Variants in PNPLA3 observed in about 807,000 individuals in gnomAD.
PNPLA3 encodes the protein patatin like domain 3, 1-acylglycerol-3-phosphate O-acyltransferase.
Under a neutral mutation model 43.1 loss-of-function variants are expected in PNPLA3, and 42 were observed. The observed-to-expected ratio is 0.97, with a 90% CI of 0.76 to 1.26. The LOEUF (loss-of-function observed/expected upper bound fraction) is 1.26, where lower values mean the gene tolerates loss of function less well. PNPLA3 is among the 50% of genes most tolerant of loss of function. The pLI, the probability that PNPLA3 is intolerant of heterozygous loss-of-function variation, is 0.00. For missense variants in PNPLA3, 647 were observed against 621.4 expected, an observed-to-expected ratio of 1.04 and a Z score of -0.44; for synonymous variants, 272 against 253.6, an observed-to-expected ratio of 1.07 and a Z score of -0.69.
intron 6 of PNPLA3, 91 bp from the exon 7 acceptor site, chr22:43,939,902 G>C: frequency 1.3e-6 from 2 of 1,583,808 alleles, no homozygotes; most frequent in South Asian, 2.2e-5. Flanking sequence ...CAGGACGGGC[G>C]TATTTTATGG....
chr22:43,926,066 A>C (rs2146773354), intron 1 of PNPLA3, among the ~76,000 whole-genome samples: 1 of 152,318 alleles, frequency 6.6e-6, no homozygotes, highest in East Asian at 1.9e-4. Flanking sequence ...CCTGTCTCAC[A>C]GAGGGCTGTG....
At position 43,924,725 on chromosome 22, in the gene PNPLA3, G is replaced by A. The variant is rs1297091337; in HGVS notation, c.187+627G>A. Among the ~76,000 whole-genome samples the A allele has an allele frequency of 1.6e-4, 24 of 151,280 alleles. No homozygotes were observed. In the East Asian group the frequency reaches 4.7e-3, roughly 30 times the overall value. On this transcript the variant is annotated intron_variant, in intron 1 of 8. Coordinates refer to ENST00000216180, the MANE Select transcript of PNPLA3 (RefSeq NM_025225.3). ...TGCAGTGGCGTGATCTCAACTCACT[G>A]CAAGCTCCACCTCCCAGGTTCACGC...
intron 3 of PNPLA3, among the ~76,000 whole-genome samples, chr22:43,932,286 A>ACAT (rs1229166011): frequency 2.6e-5 from 4 of 152,192 alleles, no homozygotes. Context: ...GGGTTAGAGG[A>ACAT]CATTTTCTGA....
chr22:43,940,524 T>C (rs2050024483), intron 7 of PNPLA3, among the ~76,000 whole-genome samples: 1 of 152,202 alleles, frequency 6.6e-6, no homozygotes, highest in East Asian at 1.9e-4. Context: ...TAAAATCACA[T>C]GAAGGCCGGC....
chr22:43,932,152 C>G (rs2049965571), intron 3 of PNPLA3, among the ~76,000 whole-genome samples: 1 of 152,132 alleles, frequency 6.6e-6, no homozygotes. Flanking sequence ...CAGATGCAGG[C>G]TCTGTCCAAA....
At position 43,926,951 on chromosome 22, in the gene PNPLA3, C is replaced by T. The variant is rs2049926791; in HGVS notation, c.204C>T (p.Val68=). Residue 68 remains valine, a synonymous_variant, in exon 2 of 9, where the codon GTC becomes GTT. Transcript: ENST00000216180. ...SGIPLEQTLQ[V]LSDLVRKARS... ...TGTCCCCAGAGCAGACTCTGCAGGT[C>T]CTCTCAGATCTTGTGCGGAAGGCCA... 3.1e-6 allele frequency: 5 copies of T among 1,614,046 alleles called. No homozygotes were observed. The highest frequency in any genetic ancestry group is 4.2e-6 in the Non-Finnish European group (5 of 1,180,010).
Position 43,934,624 on chromosome 22 carries a change from C to T in PNPLA3, c.715C>T (p.Leu239Phe). The T allele has an allele frequency of 6.2e-7, 1 of 1,613,934 alleles. No homozygotes were observed. The highest frequency in any genetic ancestry group is 8.5e-7 in the Non-Finnish European group (1 of 1,179,840). ...CTCACAGGTGCTGGGAGAGATATGCCTTCGAGGATATTTGGATGCATTCAG... is the reference window on the plus strand; with the variant it reads ...CTCACAGGTGCTGGGAGAGATATGCTTTCGAGGATATTTGGATGCATTCAG... ...PDLKVLGEIC[L>F]RGYLDAFRFL... The change falls in exon 5 of 9, where the codon CTT (leucine) becomes TTT (phenylalanine). Residue 239 changes from leucine to phenylalanine, a missense_variant. Leu to Phe is a conservative substitution (Grantham distance 22). Transcript: ENST00000216180.
intron 1 of PNPLA3, among the ~76,000 whole-genome samples, chr22:43,925,293 TGGGGGTGCAGAC>T (rs1056951477): frequency 3.3e-5 from 5 of 151,998 alleles, no homozygotes; most frequent in Admixed American, 3.3e-4. Context: ...GTGTGTGTGG[TGGGGGTGCAGAC>T]GGAGGGTTTG....
chr22:43,923,847 G>A lies in PNPLA3; in HGVS notation c.-65G>A. On this transcript the variant is annotated 5_prime_UTR_variant, in exon 1 of 9. Coordinates refer to ENST00000216180, the MANE Select transcript of PNPLA3 (RefSeq NM_025225.3). ...GCCGGGCGGAGCTGCTGCGGATCAG[G>A]ACCCGAGCCGATTCCCGATCCCGAC... 2 of 1,410,634 alleles carry A rather than the reference G, an allele frequency of 1.4e-6. No individual in the cohort carries two copies. The highest frequency in any genetic ancestry group is 1.8e-6 in the Non-Finnish European group (2 of 1,081,180). 87.4% of individuals were successfully genotyped at this position (1,410,634 alleles called of 1,614,324 possible). A position where few individuals can be genotyped will look rare whatever the true frequency, so the allele number is the denominator to read the frequency against.
intron 6 of PNPLA3, among the ~76,000 whole-genome samples, 173 bp from the exon 7 acceptor site, chr22:43,939,819 GA>G (rs2050019586): frequency 1.3e-5 from 2 of 151,966 alleles, no homozygotes; most frequent in East Asian, 1.9e-4. Flanking sequence ...ACTCTGTCTG[GA>G]AAAAAAAGAA....
chr22:43,938,368 C>G (rs1457824979), intron 6 of PNPLA3, among the ~76,000 whole-genome samples: 1 of 152,186 alleles, frequency 6.6e-6, no homozygotes, highest in African/African-American at 2.4e-5. Context: ...AAAGAAATAC[C>G]TGAGACTGGG....
chr22:43,924,627 G>C (rs1345861757), intron 1 of PNPLA3, among the ~76,000 whole-genome samples: 1 of 152,014 alleles, frequency 6.6e-6, no homozygotes, highest in Non-Finnish European at 1.5e-5. Context: ...GACACCCCGC[G>C]CCTGCGCTTT....
At position 43,923,847 on chromosome 22, in the gene PNPLA3, G is replaced by T; in HGVS notation, c.-65G>T. On this transcript the variant is annotated 5_prime_UTR_variant, in exon 1 of 9. Coordinates refer to ENST00000216180, the MANE Select transcript of PNPLA3 (RefSeq NM_025225.3). ...GCCGGGCGGAGCTGCTGCGGATCAG[G>T]ACCCGAGCCGATTCCCGATCCCGAC... The T allele has an allele frequency of 7.1e-7, 1 of 1,410,634 alleles. No individual in the cohort carries two copies. Among genetic ancestry groups the T allele is most frequent in the Non-Finnish European group, 9.2e-7 (1 of 1,081,180 alleles). 87.4% of individuals were successfully genotyped at this position (1,410,634 alleles called of 1,614,324 possible).
In PNPLA3 at chr22:43,946,433, C is replaced by T. The variant is rs6006461; in HGVS notation, c.*51C>T. 5.7e-4 allele frequency: 879 copies of T among 1,549,060 alleles called. 2 individuals are homozygous for T. The African/African-American group carries it at 0.011, about 19-fold the overall frequency. ...GATTCTTTCAGAGGTGCTAAAGTTT[C>T]CCATCTTTGTGCAGCTACCTCCGCA... On this transcript the variant is annotated 3_prime_UTR_variant, in exon 9 of 9. Coordinates refer to ENST00000216180, the MANE Select transcript of PNPLA3 (RefSeq NM_025225.3).
chr22:43,929,743 C>T lies in PNPLA3; in HGVS notation c.486+854C>T, dbSNP rs567057790. Among the ~76,000 whole-genome samples, 51 of 151,600 alleles carry T rather than the reference C, an allele frequency of 3.4e-4. 1 individual carries two copies. The highest frequency in any genetic ancestry group is 1.1e-3 in the African/African-American group (46 of 41,398). On this transcript the variant is annotated intron_variant, in intron 3 of 8. Transcript: ENST00000216180. Reference sequence around the variant, plus strand: ...TCCCGAGTAGCTGGGATTACAGGTGCCTGCCGTCACGCCAAGCTAATTTTT... The same window carrying T: ...TCCCGAGTAGCTGGGATTACAGGTGTCTGCCGTCACGCCAAGCTAATTTTT...
At chr22:43,943,451 G>A (rs2050043884) in intron 7 of PNPLA3, among the ~76,000 whole-genome samples, 1 of 152,136 alleles carries the variant, frequency 6.6e-6, no homozygotes, top group African/African-American at 2.4e-5. Context: ...CCCTGGAGCT[G>A]GTTGAACTGT....
At position 43,934,669 on chromosome 22, in the gene PNPLA3, A is replaced by G. The variant is rs755983068; in HGVS notation, c.757+3A>G. The G allele has an allele frequency of 4.3e-6, 7 of 1,610,208 alleles. No homozygotes were observed. Among genetic ancestry groups the G allele is most frequent in the Admixed American group, 1.7e-5 (1 of 59,998 alleles). ...ATTCAGGTTCTTGGAAGAGAAGGGT[A>G]TGTATGGGCTGGGAGGATCAGCCAT... On this transcript the variant is annotated splice_donor_region_variant and intron_variant, in intron 5 of 8. Transcript: ENST00000216180.
intron 5 of PNPLA3, 141 bp downstream of exon 5, chr22:43,934,807 A>G: frequency 1.3e-6 from 1 of 775,904 alleles, no homozygotes; most frequent in South Asian, 1.7e-5. Context: ...TCATGAGCCC[A>G]GGAGATAGGA....
intron 7 of PNPLA3, among the ~76,000 whole-genome samples, chr22:43,940,508 T>G (rs1034112883): frequency 1.3e-5 from 2 of 152,210 alleles, no homozygotes; most frequent in African/African-American, 4.8e-5. Context: ...CTGAGCTGTT[T>G]CCATTTAAAA....
Sources: allele counts gnomAD v4.1 joint callset (sites outside exome capture counted in the v4.1 genomes callset), GRCh38; gene constraint gnomAD v4.1.1; transcripts MANE v1.5; gene names NCBI Gene and HGNC (gene_info 2026-07-23, HGNC 2026-07-21).